SALL2: variants seen among roughly 807,000 people sequenced by gnomAD.
SALL2 encodes the protein sal-like protein 2.
A neutral mutation model predicts 58.5 loss-of-function variants in SALL2; 32 were observed. That is an observed-to-expected ratio of 0.55 (90% confidence interval 0.41 to 0.74). SALL2 has a LOEUF of 0.74. SALL2 is among the 30% of genes least tolerant of loss of function. The pLI is 0.00. For missense variants in SALL2, 1,201 were observed against 1,268.9 expected, an observed-to-expected ratio of 0.95 and a Z score of 0.81; for synonymous variants, 516 against 513.6, an observed-to-expected ratio of 1.00 and a Z score of -0.06.
upstream of SALL2, chr14:21,526,417 C>A: frequency 8.4e-7 from 1 of 1,184,862 alleles, no homozygotes; most frequent in Non-Finnish European, 1.0e-6. Flanking sequence ...CTAGAGGAGG[C>A]GGGAGAAGGG....
chr14:21,529,077 A>G (rs1179688990), upstream of SALL2, among the ~76,000 whole-genome samples: 1 of 152,162 alleles, frequency 6.6e-6, no homozygotes, highest in South Asian at 2.1e-4. Context: ...GTGAAAGGTG[A>G]CTGGATCAAC....
Position 21,524,140 on chromosome 14 carries a change from C to G in SALL2, c.1582G>C (p.Gly528Arg), listed in dbSNP as rs745787915. The change falls in exon 2 of 2, where the codon GGG (glycine) becomes CGG (arginine). Residue 528 changes from glycine (G) to arginine (R), a missense_variant. This residue lies in a region of SALL2 where 675 missense variants were observed against 683.8 expected (regional missense o/e 0.99). Transcript: ENST00000537235. ...CCACTGATGGCTGAGCCCTCACTCC[C>G]TGGGGGGGTGTTTTCATCAGCTTTA... ...KNKADENTPPGSEGSAISGVA... is the reference protein window; with the variant it reads ...KNKADENTPPRSEGSAISGVA... The G allele has an allele frequency of 2.5e-5, 41 of 1,612,826 alleles. 3 individuals are homozygous for G. The South Asian group carries it at 4.4e-4, about 17-fold the overall frequency.
intron 1 of SALL2, among the ~76,000 whole-genome samples, chr14:21,531,705 C>G (rs1052594571): frequency 6.4e-5 from 9 of 140,342 alleles, no homozygotes; most frequent in African/African-American, 2.4e-4. Context: ...CCGCGCCTGG[C>G]CAGCCTTTTT....
Position 21,523,103 on chromosome 14 carries a change from C to A in SALL2, c.2619G>T (p.Pro873=). Residue 873 remains proline, a synonymous_variant, in exon 2 of 2, where the codon CCG becomes CCT. Transcript: ENST00000537235. This position sits in a 1 kb window ranked among gnomAD's most constrained non-coding sequence, Gnocchi z 4.4. Reference sequence around the variant, plus strand: ...CCCCTTCTGGGGTGAGTGCTGATGCCGGACTTGAGCTTCTCTCCGGTTTGC... The same window carrying A: ...CCCCTTCTGGGGTGAGTGCTGATGCAGGACTTGAGCTTCTCTCCGGTTTGC... ...EGGKPERSSS[P]ASALTPEGEA... 6.2e-7 allele frequency: 1 copy of A among 1,614,130 alleles called. No homozygotes were observed.
At position 21,526,121 on chromosome 14, in the gene SALL2, G is replaced by A; in HGVS notation, c.7C>T (p.His3Tyr). The A allele has an allele frequency of 6.5e-7, 1 of 1,541,084 alleles. No homozygotes were observed. The highest frequency in any genetic ancestry group is 8.7e-7 in the Non-Finnish European group (1 of 1,149,776). Residue 3 changes from histidine to tyrosine, a missense_variant, in exon 1 of 2, where the codon CAC (histidine) becomes TAC (tyrosine). Physicochemically the swap from His to Tyr is moderately conservative, Grantham distance 83 (BLOSUM62 2). This residue lies in a region of SALL2 where 467 missense variants were observed against 468.9 expected (regional missense o/e 1.00). Coordinates refer to ENST00000537235, the MANE Select transcript of SALL2 (RefSeq NM_001364564.1). MAHESERSSRLGV... is the reference protein window; with the variant it reads MAYESERSSRLGV... ...AGACGAGAGCTCCTCTCGGATTCGT[G>A]CGCCATGGTTGTGGGGGAAGTGGAG...
Position 21,533,389 on chromosome 14 carries a change from G to A in SALL2, c.-114+3573C>T, listed in dbSNP as rs139145538. The stretch of plus-strand genomic sequence containing the variant: ...CCTTTGCCTTCTTTCCTCTCTTGCT[G>A]TTCTTGCTATCTGCCAACTTCCATC... On this transcript the variant is annotated intron_variant, in intron 1 of 1. Coordinates refer to the SALL2 transcript ENST00000541965. Among the ~76,000 whole-genome samples, 81 of 152,184 alleles carry A rather than the reference G, an allele frequency of 5.3e-4. 1 individual carries two copies. In the East Asian group the frequency reaches 0.014, roughly 27 times the overall value.
Position 21,522,736 on chromosome 14 carries a change from A to C in SALL2, c.2986T>G (p.Phe996Val), listed in dbSNP as rs1892087687. ...PSITSTGLSPFPRKDDPTIP is the reference protein window; with the variant it reads ...PSITSTGLSPVPRKDDPTIP ...ATCGTGGGGTCATCTTTTCGGGGAA[A>C]GGGGGAGAGCCCTGTGGAGGTGATG... Residue 996 changes from phenylalanine (F) to valine (V), a missense_variant, in exon 2 of 2, where the codon TTT (phenylalanine) becomes GTT (valine). By Grantham distance (50) the Phe-to-Val change is conservative. Around this residue, in one of 3 missense-constraint regions of SALL2, gnomAD observed 675 missense variants for 683.8 expected, o/e 0.99. Transcript: ENST00000537235. The C allele has an allele frequency of 6.5e-7, 1 of 1,530,768 alleles. No individual in the cohort carries two copies. Among genetic ancestry groups the C allele is most frequent in the South Asian group, 1.3e-5 (1 of 76,734 alleles). 94.8% of individuals were successfully genotyped at this position (1,530,768 alleles called of 1,614,324 possible).
chr14:21,536,746 G>GC, intron 1 of SALL2: 1 of 847,950 alleles, frequency 1.2e-6, no homozygotes, highest in East Asian at 2.5e-5. Context: ...GACCAAGTCC[G>GC]CCCCCGCCTG....
At chr14:21,530,591 A>G (rs1467957967), upstream of SALL2, among the ~76,000 whole-genome samples, 3 of 151,954 alleles carry the variant, frequency 2.0e-5, no homozygotes, top group Admixed American at 6.6e-5. Flanking sequence ...CCCGGCCACC[A>G]TATTTCTAAT....
rs763155989 is a variant in SALL2, at chr14:21,523,567, C to T, written c.2155G>A (p.Gly719Ser). 2.5e-6 allele frequency: 4 copies of T among 1,614,082 alleles called. No homozygotes were observed. The highest frequency in any genetic ancestry group is 2.7e-5 in the African/African-American group (2 of 74,922). Residue 719 changes from glycine to serine, a missense_variant, in exon 2 of 2, where the codon GGT (glycine) becomes AGT (serine). By Grantham distance (56) the Gly-to-Ser change is moderately conservative. Around this residue, in one of 3 missense-constraint regions of SALL2, gnomAD observed 675 missense variants for 683.8 expected, o/e 0.99. Transcript: ENST00000537235. The surrounding 1 kb of genome is among the most constrained non-coding windows in gnomAD (Gnocchi z 4.4). Reference protein sequence around the residue: ...RMHLGGQIPNGGTALPEGGGA... With the variant: ...RMHLGGQIPNSGTALPEGGGA... ...CCACCTTCAGGGAGTGCAGTACCACCGTTGGGGATCTGGCCCCCCAGGTGC... is the reference window on the plus strand; with the variant it reads ...CCACCTTCAGGGAGTGCAGTACCACTGTTGGGGATCTGGCCCCCCAGGTGC...
At position 21,522,400 on chromosome 14, in the gene SALL2, G is replaced by C; in HGVS notation, c.*304C>G. 1 of 1,420,794 alleles carries C rather than the reference G, an allele frequency of 7.0e-7. No homozygotes were observed. Among genetic ancestry groups the C allele is most frequent in the Non-Finnish European group, 9.2e-7 (1 of 1,090,998 alleles). The allele number at this position is 1,420,794 out of a possible 1,614,324, so 88.0% of individuals were successfully genotyped here. A position where few individuals can be genotyped will look rare whatever the true frequency, so the allele number is the denominator to read the frequency against. The stretch of plus-strand genomic sequence containing the variant: ...TGCACCTACCAAAGGGAAAGGGAGA[G>C]GAGAGAGGAGGGGGAAGAAGGGTCA... On this transcript the variant is annotated 3_prime_UTR_variant, in exon 2 of 2. Coordinates refer to ENST00000537235, the MANE Select transcript of SALL2 (RefSeq NM_001364564.1).
rs1442799620 is a variant in SALL2, at chr14:21,523,825, T to C, written c.1897A>G (p.Ile633Val). 1 of 1,614,198 alleles carries C rather than the reference T, an allele frequency of 6.2e-7. No homozygotes were observed. Among genetic ancestry groups the C allele is most frequent in the Non-Finnish European group, 8.5e-7 (1 of 1,180,042 alleles). ...GGACAGCTAAGCACTCGGAGACAGA[T>C]GACACACTGGTTAGGTCCAGAAGAG... ...SASSGPNQCVICLRVLSCPRA... is the reference protein window; with the variant it reads ...SASSGPNQCVVCLRVLSCPRA... Residue 633 changes from isoleucine (I) to valine (V), a missense_variant, in exon 2 of 2, where the codon ATC becomes GTC. By Grantham distance (29) the Ile-to-Val change is conservative (BLOSUM62 3). Around this residue, in one of 3 missense-constraint regions of SALL2, gnomAD observed 675 missense variants for 683.8 expected, o/e 0.99. Coordinates refer to ENST00000537235, the MANE Select transcript of SALL2 (RefSeq NM_001364564.1). The surrounding 1 kb of genome is among the most constrained non-coding windows in gnomAD (Gnocchi z 4.4).
upstream of SALL2, among the ~76,000 whole-genome samples, chr14:21,528,203 C>G (rs1019972746): frequency 3.3e-5 from 5 of 151,732 alleles, 1 homozygote; most frequent in Non-Finnish European, 7.4e-5. Flanking sequence ...TTGGGGAGTC[C>G]TGAATTTAAT....
intron 1 of SALL2, among the ~76,000 whole-genome samples, chr14:21,536,190 G>C (rs1050772962): frequency 6.6e-6 from 1 of 152,168 alleles, no homozygotes; most frequent in African/African-American, 2.4e-5. Flanking sequence ...GTAGTAACAG[G>C]TGTATTTTCT....
intron 1 of SALL2, among the ~76,000 whole-genome samples, chr14:21,535,971 G>C (rs1892586530): frequency 6.6e-6 from 1 of 152,086 alleles, no homozygotes; most frequent in South Asian, 2.1e-4. Flanking sequence ...AGCACTACCA[G>C]CCAGCCCTGA....
chr14:21,525,649 C>A lies in SALL2; in HGVS notation c.73G>T (p.Ala25Ser). The change falls in exon 2 of 2, where the codon GCT becomes TCT. Residue 25 changes from alanine (A) to serine (S), a missense_variant. By Grantham distance (99) the Ala-to-Ser change is moderately conservative (BLOSUM62 1). Transcript: ENST00000537235. The surrounding 1 kb of genome is among the most constrained non-coding windows in gnomAD (Gnocchi z 4.4). ...CGEPAELGGD[A>S]SEEDHPQVCA... is the part of the protein sequence containing the mutation. ...ACTTGGGGGTGATCCTCCTCGCTAG[C>A]ATCACCTGGGGAGAAGACAAGGAGA... The A allele has an allele frequency of 6.4e-7, 1 of 1,570,402 alleles. No individual in the cohort carries two copies.
chr14:21,526,023 G>GCCCCCCCCCCCCCCCCCCAAC, intron 1 of SALL2, 38 bp downstream of exon 1: 1 of 898,726 alleles, frequency 1.1e-6, no homozygotes, highest in South Asian at 1.5e-5. Context: ...ATCCCCCTCC[G>GCCCCCCCCCCCCCCCCCCAAC]CCCCCACCCC....
Position 21,523,938 on chromosome 14 carries a change from T to G in SALL2, c.1784A>C (p.Glu595Ala). 1 of 1,614,192 alleles carries G rather than the reference T, an allele frequency of 6.2e-7. No homozygotes were observed. The highest frequency in any genetic ancestry group is 2.2e-5 in the East Asian group (1 of 44,874). ...CACAGCTCCTTGCCGGTCAATCTTT[T>G]CTACCAGTTGCTGCAGCTTTGATGT... Reference protein sequence around the residue: ...SETSKLQQLVEKIDRQGAVAV... With the variant: ...SETSKLQQLVAKIDRQGAVAV... The change falls in exon 2 of 2, where the codon GAA becomes GCA. Residue 595 changes from glutamate to alanine, a missense_variant. Around this residue, in one of 3 missense-constraint regions of SALL2, gnomAD observed 675 missense variants for 683.8 expected, o/e 0.99. Transcript: ENST00000537235. This position sits in a 1 kb window ranked among gnomAD's most constrained non-coding sequence, Gnocchi z 4.4.
In SALL2 at chr14:21,525,702, G is replaced by A. The variant is rs2031033756; in HGVS notation, c.68-48C>T. 5.3e-6 allele frequency: 8 copies of A among 1,519,826 alleles called. No individual in the cohort carries two copies. Among genetic ancestry groups the A allele is most frequent in the Non-Finnish European group, 7.0e-6 (8 of 1,134,838 alleles). The allele number at this position is 1,519,826 out of a possible 1,614,324, so 94.1% of individuals were successfully genotyped here. A position where few individuals can be genotyped will look rare whatever the true frequency, so the allele number is the denominator to read the frequency against. On this transcript the variant is annotated intron_variant, in intron 1 of 1. Coordinates refer to ENST00000537235, the MANE Select transcript of SALL2 (RefSeq NM_001364564.1). This position sits in a 1 kb window ranked among gnomAD's most constrained non-coding sequence, Gnocchi z 4.4. The stretch of plus-strand genomic sequence containing the variant: ...GAGCGTGGGTGGCGCAGTTGGGTTG[G>A]GTATACCGAGGCTCTAATTAACAAG...
Sources: gnomAD v4.1 joint callset for allele counts (sites outside exome capture counted in the v4.1 genomes callset) on GRCh38, gnomAD v4.1.1 for gene constraint, gnomAD v4.1.1 regional missense constraint, Gnocchi (gnomAD v3.1) non-coding constraint, MANE v1.5 for transcripts, NCBI Gene and HGNC (gene_info 2026-07-23, HGNC 2026-07-21) for gene names.